Variants in CENPP observed in about 807,000 individuals in gnomAD.
CENPP encodes the protein centromere protein P.
CENPP carries 24 observed loss-of-function variants against 35.6 expected under a neutral mutation model. The ratio of observed to expected loss-of-function variants is 0.67; its 90% CI spans 0.49 to 0.95. The LOEUF is 0.95. Ranked by LOEUF, CENPP falls within the 40% of genes least tolerant of loss-of-function variation. The pLI, the probability that CENPP is intolerant of heterozygous loss-of-function variation, is 0.00. For missense variants in CENPP, 332 were observed against 345.3 expected, an observed-to-expected ratio of 0.96 and a Z score of 0.31; for synonymous variants, 120 against 125.5, an observed-to-expected ratio of 0.96 and a Z score of 0.29.
At chr9:92,581,008 T>C (rs925713311) in intron 5 of CENPP, among the ~76,000 whole-genome samples, 5 of 152,248 alleles carry the variant, frequency 3.3e-5, no homozygotes, top group Non-Finnish European at 7.3e-5. Flanking sequence ...TGTGTCTTTA[T>C]TCTCGTTGGT....
rs1840733488 is a variant in CENPP at position 92,331,144 on chromosome 9, A to G, written c.108-1026A>G. ...CGTTCTGTGGTGTTTACTTTTAGAA[A>G]TTAAAGTTAGCTAATTGATTTTATT... On this transcript the variant is annotated intron_variant, in intron 1 of 7. Transcript: ENST00000375587. Among the ~76,000 whole-genome samples, 3 of 152,164 alleles carry G rather than the reference A, an allele frequency of 2.0e-5. No homozygotes were observed. In the South Asian group the frequency reaches 6.2e-4, roughly 31 times the overall value.
At position 92,515,238 on chromosome 9, in the gene CENPP, A is replaced by C. The variant is rs1847628983; in HGVS notation, c.565-96076A>C. The C allele has an allele frequency of 6.2e-6, 9 of 1,454,958 alleles. No homozygotes were observed. The South Asian group carries it at 1.5e-4, about 25-fold the overall frequency. The allele number at this position is 1,454,958 out of a possible 1,614,324, so 90.1% of individuals were successfully genotyped here. ...ACGCAAGGATGAGGTAGCAGAGATA[A>C]GTTGATGATATTAATAAAAGAAAAA... On this transcript the variant is annotated intron_variant, in intron 5 of 7. Transcript: ENST00000375587.
At chr9:92,568,807 G>A (rs1273849631) in intron 5 of CENPP, among the ~76,000 whole-genome samples, 3 of 152,154 alleles carry the variant, frequency 2.0e-5, no homozygotes, top group Non-Finnish European at 2.9e-5. Context: ...TCTCACTGTG[G>A]TTTTGATTTG....
chr9:92,474,882 G>A, intron 5 of CENPP: 2 of 1,613,122 alleles, frequency 1.2e-6, no homozygotes, highest in Non-Finnish European at 1.7e-6. Flanking sequence ...AATAATAGGA[G>A]CACATACTCC....
chr9:92,387,003 G>T (rs1035764119), intron 5 of CENPP, among the ~76,000 whole-genome samples: 1 of 140,526 alleles, frequency 7.1e-6, no homozygotes, highest in African/African-American at 2.7e-5. Context: ...AGCTGAGATC[G>T]CACCACTGTA....
intron 4 of CENPP, among the ~76,000 whole-genome samples, chr9:92,363,858 G>GT (rs896999163): frequency 6.7e-5 from 10 of 149,414 alleles, no homozygotes; most frequent in Admixed American, 2.7e-4. Context: ...TTTTGTTTTT[G>GT]TTTTTTTTGA....
At chr9:92,521,671 A>T (rs898865065) in intron 5 of CENPP, among the ~76,000 whole-genome samples, 1 of 152,216 alleles carries the variant, frequency 6.6e-6, no homozygotes, top group Non-Finnish European at 1.5e-5. Flanking sequence ...GTTTTTAAAA[A>T]TGCCTAATTG....
At chr9:92,600,412 T>C in intron 5 of CENPP, 1 of 1,611,518 alleles carries the variant, frequency 6.2e-7, no homozygotes, top group Non-Finnish European at 8.5e-7. Context: ...ACTCTGGGTT[T>C]CCCTGGTTCT....
intron 5 of CENPP, among the ~76,000 whole-genome samples, chr9:92,537,792 C>T (rs1164939003): frequency 6.6e-6 from 1 of 152,150 alleles, no homozygotes; most frequent in Admixed American, 6.5e-5. Context: ...CAGTAACAGT[C>T]AAGAAAAGTA....
rs187878459 is a variant in CENPP, at chr9:92,578,322, C to G, written c.565-32992C>G. On this transcript the variant is annotated intron_variant, in intron 5 of 7. Transcript: ENST00000375587. ...TCCTTTGGGTATATACCCAGTAATG[C>G]GATGGCTGGGTCTAATGGTATTTCT... 3.7e-3 allele frequency among the ~76,000 whole-genome samples: 557 copies of G among 152,186 alleles called. 5 individuals carry two copies. The highest frequency in any genetic ancestry group is 0.013 in the African/African-American group (534 of 41,522).
At chr9:92,406,104 G>T (rs1843297581) in intron 5 of CENPP, among the ~76,000 whole-genome samples, 1 of 152,204 alleles carries the variant, frequency 6.6e-6, no homozygotes, top group Non-Finnish European at 1.5e-5. Flanking sequence ...CTTCTATAGA[G>T]AGGATAGGAG....
intron 5 of CENPP, chr9:92,456,706 G>A (rs2131033251): frequency 6.4e-6 from 1 of 155,248 alleles, no homozygotes; most frequent in African/African-American, 2.4e-5. Context: ...ATTTACTGAA[G>A]GCTTTATTTT....
At position 92,612,040 on chromosome 9, in the gene CENPP, A is replaced by AG. The variant is rs148313917; in HGVS notation, c.645-479dup. On this transcript the variant is annotated intron_variant, in intron 6 of 7. Coordinates refer to ENST00000375587, the MANE Select transcript of CENPP (RefSeq NM_001012267.3). Reference sequence around the variant, plus strand: ...GCAGTTTCACTGCTCATCCTCCCGGAGGGGATCATACACAGCGTCTTGCTG... The same window carrying AG: ...GCAGTTTCACTGCTCATCCTCCCGGAGGGGGATCATACACAGCGTCTTGCTG... Among the ~76,000 whole-genome samples, 519 of 152,292 alleles carry AG rather than the reference A, an allele frequency of 3.4e-3. 10 individuals are homozygous for AG. The highest frequency in any genetic ancestry group is 0.021 in the Admixed American group (317 of 15,306).
chr9:92,516,675 CAA>C (rs984670328), intron 5 of CENPP: 6 of 152,134 alleles, frequency 3.9e-5, no homozygotes, highest in Non-Finnish European at 8.8e-5. Context: ...AAGAATACTC[CAA>C]GTCTTCTGAA....
At position 92,426,137 on chromosome 9, in the gene CENPP, G is replaced by T. The variant is rs544539812; in HGVS notation, c.564+46278G>T. On this transcript the variant is annotated intron_variant, in intron 5 of 7. Transcript: ENST00000375587. ...TTTAAGGTGGCAAGGGATGGGGATG[G>T]GGGGAGGTGGTGGTAGTTAGAGTCA... 5.3e-5 allele frequency among the ~76,000 whole-genome samples: 8 copies of T among 152,262 alleles called. No homozygotes were observed. The East Asian group carries it at 7.7e-4, about 15-fold the overall frequency.
At chr9:92,575,641 G>A (rs535901926) in intron 5 of CENPP, among the ~76,000 whole-genome samples, 4 of 152,140 alleles carry the variant, frequency 2.6e-5, no homozygotes, top group African/African-American at 7.2e-5. Flanking sequence ...GTGAAACCCC[G>A]TGTCTACTGA....
At chr9:92,505,709 T>G (rs1290494086) in intron 5 of CENPP, 2 of 1,530,010 alleles carry the variant, frequency 1.3e-6, no homozygotes, top group South Asian at 1.3e-5. Context: ...AATAAAAGTA[T>G]TAGAATATTA....
chr9:92,619,797 C>T lies in CENPP; in HGVS notation c.*6648C>T. The T allele has an allele frequency of 1.8e-6, 1 of 550,818 alleles. No individual in the cohort carries two copies. Among genetic ancestry groups the T allele is most frequent in the Non-Finnish European group, 3.3e-6 (1 of 304,328 alleles). The allele number at this position is 550,818 out of a possible 1,614,324, so 34.1% of individuals were successfully genotyped here. On this transcript the variant is annotated 3_prime_UTR_variant, in exon 8 of 8. Coordinates refer to ENST00000375587, the MANE Select transcript of CENPP (RefSeq NM_001012267.3). ...TCAGAGGCCAGCACCGCCCCCTGAC[C>T]TCTCACGGCAAGCAGTGTGGGACCC...
chr9:92,509,207 G>A (rs571827324), intron 5 of CENPP, among the ~76,000 whole-genome samples: 6 of 152,124 alleles, frequency 3.9e-5, no homozygotes, highest in South Asian at 4.2e-4. Flanking sequence ...TCCACATGCC[G>A]TGGGGTGTGG....
Sources: allele counts gnomAD v4.1 joint callset (sites outside exome capture counted in the v4.1 genomes callset), GRCh38; gene constraint gnomAD v4.1.1; transcripts MANE v1.5; gene names NCBI Gene and HGNC (gene_info 2026-07-23, HGNC 2026-07-21).